The following THBS4 variants were observed in gnomAD, a reference collection of about 807,000 sequenced individuals.
THBS4 encodes thrombospondin 4, also known as thrombospondin-4.
Under a neutral mutation model 115.7 loss-of-function variants are expected in THBS4, and 90 were observed. The observed-to-expected ratio is 0.78, with a 90% confidence interval of 0.66 to 0.93. The LOEUF (loss-of-function observed/expected upper bound fraction) is 0.93, where lower values mean the gene tolerates loss of function less well. Among genes scored for constraint, THBS4 ranks in the 40% least tolerant of loss-of-function variants. The pLI is 0.00. For missense variants in THBS4, 1,087 were observed against 1,232.7 expected (o/e 0.88, Z 1.77); for synonymous variants, 460 against 479.3 (o/e 0.96, Z 0.53).
intron 2 of THBS4, among the ~76,000 whole-genome samples, chr5:80,045,927 T>C (rs954115200): frequency 6.6e-6 from 1 of 152,190 alleles, no homozygotes; most frequent in Non-Finnish European, 1.5e-5. Flanking sequence ...GCCCTTGAAT[T>C]AGCTTAATTT....
intron 2 of THBS4, among the ~76,000 whole-genome samples, chr5:80,048,346 G>A (rs187004736): frequency 6.8e-4 from 103 of 152,260 alleles, no homozygotes; most frequent in African/African-American, 2.4e-3. Flanking sequence ...GAAATGTGCT[G>A]GTAGAGGCTG....
At chr5:80,060,490 T>A (rs1225888318) in intron 7 of THBS4, among the ~76,000 whole-genome samples, 1 of 152,212 alleles carries the variant, frequency 6.6e-6, no homozygotes, top group Non-Finnish European at 1.5e-5. Flanking sequence ...GCCAGCCTAG[T>A]GGCTGAAGCC....
intron 2 of THBS4, among the ~76,000 whole-genome samples, chr5:80,049,380 T>C (rs1833178993): frequency 6.6e-6 from 1 of 152,176 alleles, no homozygotes; most frequent in Admixed American, 6.5e-5. Flanking sequence ...CCTGAGTAGC[T>C]GGGGTTACAG....
chr5:80,050,163 G>C (rs1833208694), intron 2 of THBS4, among the ~76,000 whole-genome samples: 1 of 152,214 alleles, frequency 6.6e-6, no homozygotes. Context: ...GAACCGCCCA[G>C]TGGGTTCACC....
chr5:80,017,862 T>G (rs1347140504), intron 2 of THBS4, among the ~76,000 whole-genome samples: 1 of 152,184 alleles, frequency 6.6e-6, no homozygotes, highest in Non-Finnish European at 1.5e-5. Flanking sequence ...TCGTGGGATT[T>G]GGGATTGATC....
chr5:80,016,221 G>A (rs1185840781), intron 2 of THBS4, among the ~76,000 whole-genome samples: 1 of 152,156 alleles, frequency 6.6e-6, no homozygotes, highest in Non-Finnish European at 1.5e-5. Flanking sequence ...ACAGATTAAA[G>A]TGAAGTTTCT....
intron 8 of THBS4, 52 bp downstream of exon 8, chr5:80,061,884 T>C: frequency 6.5e-7 from 1 of 1,534,996 alleles, no homozygotes. Flanking sequence ...AAAACAACTG[T>C]GGTTGGTTCC....
chr5:80,083,008 G>A (rs941782651), intron 21 of THBS4, 72 bp from the exon 22 acceptor site: 5 of 1,421,742 alleles, frequency 3.5e-6, no homozygotes, highest in South Asian at 1.2e-5. Context: ...GGACGCCTGA[G>A]CCGCGGGCGG....
At chr5:80,070,525 C>T (rs1834002598) in intron 11 of THBS4, 115 bp downstream of exon 11, 3 of 1,367,500 alleles carry the variant, frequency 2.2e-6, no homozygotes, top group East Asian at 4.6e-5. Context: ...AAAGTAGCTG[C>T]ATCTCAGAGG....
Position 80,058,769 on chromosome 5 carries a change from GA to G in THBS4, c.713del (p.Lys238ArgfsTer4). 7.4e-6 allele frequency: 12 copies of G among 1,614,022 alleles called. No individual in the cohort carries two copies. The highest frequency in any genetic ancestry group is 1.6e-4 in the Middle Eastern group (1 of 6,062). On this transcript the variant is annotated frameshift_variant, in exon 5 of 22. Transcript: ENST00000350881. LOFTEE classifies it high-confidence loss of function. ...TQLNQLLGEV[K>X]DLLRQQVKET... ...AATTAAACCAACTCCTGGGAGAGGT[GA>G]AGGACCTTCTGAGACAGCAGGTAAC... is the stretch of plus-strand genomic sequence containing the variant.
intron 2 of THBS4, among the ~76,000 whole-genome samples, chr5:80,016,299 G>A (rs538094833): frequency 6.6e-6 from 1 of 152,198 alleles, no homozygotes; most frequent in Admixed American, 6.5e-5. Flanking sequence ...AAAGGGCTAT[G>A]TCCCTTCATA....
chr5:80,005,000 A>G, intron 2 of THBS4, among the ~76,000 whole-genome samples: 1 of 152,174 alleles, frequency 6.6e-6, no homozygotes, highest in Non-Finnish European at 1.5e-5. Flanking sequence ...GGCCTCCCAA[A>G]GTCTTGGGAT....
At chr5:79,999,910 A>G (rs1831863649) in intron 2 of THBS4, among the ~76,000 whole-genome samples, 1 of 152,198 alleles carries the variant, frequency 6.6e-6, no homozygotes, top group Non-Finnish European at 1.5e-5. Flanking sequence ...GAGTAATGGA[A>G]GTGAGTTAGG....
chr5:80,005,097 T>C (rs1171681190), intron 2 of THBS4, among the ~76,000 whole-genome samples: 1 of 151,968 alleles, frequency 6.6e-6, no homozygotes. Context: ...GCTCAGAAAA[T>C]GACAGTAATT....
intron 2 of THBS4, among the ~76,000 whole-genome samples, chr5:80,045,681 C>A (rs1476953296): frequency 6.6e-6 from 1 of 151,986 alleles, no homozygotes; most frequent in Admixed American, 6.6e-5. Context: ...TAGGCATGCG[C>A]CACCAGACCC....
rs1743609635 is a variant in THBS4, at chr5:80,083,065, C to CCATT, written c.2825-13_2825-10dup. On this transcript the variant is annotated splice_polypyrimidine_tract_variant and intron_variant, in intron 21 of 21. Transcript: ENST00000350881. ...AGGAGCCTCGCTAACCTCCCTGTGC[C>CCATT]CATTCCTATTGCAGACACCATCCCT... The CCATT allele has an allele frequency of 2.5e-6, 4 of 1,612,902 alleles. No homozygotes were observed. In the African/African-American group the frequency reaches 5.3e-5, roughly 21 times the overall value.
intron 2 of THBS4, among the ~76,000 whole-genome samples, chr5:80,043,333 G>A: frequency 6.6e-6 from 1 of 152,174 alleles, no homozygotes. Context: ...GGAAAAGACA[G>A]AGCCTGTGGT....
intron 1 of THBS4, among the ~76,000 whole-genome samples, chr5:80,037,009 T>C (rs1277236821): frequency 1.3e-5 from 2 of 152,208 alleles, no homozygotes; most frequent in Admixed American, 1.3e-4. Flanking sequence ...TTTTAGTTTG[T>C]GTTGAAGTAT....
rs373412992 is a variant in THBS4 at position 80,082,512 on chromosome 5, A to T, written c.2791A>T (p.Ile931Phe). 6.2e-7 allele frequency: 1 copy of T among 1,614,170 alleles called. No individual in the cohort carries two copies. Among genetic ancestry groups the T allele is most frequent in the Non-Finnish European group, 8.5e-7 (1 of 1,180,000 alleles). ...CGTTTTCTGCTTCTCTCAAGAAAAC[A>T]TCATCTGGTCCAACCTCAAGTATCG... ...LGVFCFSQEN[I>F]IWSNLKYRCN... Residue 931 changes from isoleucine to phenylalanine, a missense_variant, in exon 21 of 22, where the codon ATC (isoleucine) becomes TTC (phenylalanine). By Grantham distance (21) the Ile-to-Phe change is conservative. This residue lies in a region of THBS4 where 103 missense variants were observed against 108.2 expected (regional missense o/e 0.95). Coordinates refer to ENST00000350881, the MANE Select transcript of THBS4 (RefSeq NM_003248.6).
Sources: gnomAD v4.1 joint callset for allele counts (sites outside exome capture counted in the v4.1 genomes callset) on GRCh38, gnomAD v4.1.1 for gene constraint, gnomAD v4.1.1 regional missense constraint, MANE v1.5 for transcripts, NCBI Gene and HGNC (gene_info 2026-07-23, HGNC 2026-07-21) for gene names.